CPEB3: variants seen among roughly 807,000 people sequenced by gnomAD.
CPEB3 encodes the protein cytoplasmic polyadenylation element binding protein 3.
A neutral mutation model predicts 67.2 loss-of-function variants in CPEB3; 20 were observed. The observed-to-expected ratio is 0.30, with a 90% CI of 0.21 to 0.43. CPEB3 has a LOEUF of 0.43. CPEB3 is among the 20% of genes least tolerant of loss of function. The pLI is 1.00. For missense variants in CPEB3, 746 were observed against 968.6 expected (o/e 0.77, Z 3.05); for synonymous variants, 376 against 393.1 (o/e 0.96, Z 0.51).
intron 2 of CPEB3, among the ~76,000 whole-genome samples, chr10:92,215,450 CT>C (rs986114627): frequency 9.3e-4 from 129 of 138,148 alleles, no homozygotes; most frequent in Admixed American, 8.8e-4. Context: ...CTGCACCTGG[CT>C]TTTTTTTTTT....
intron 6 of CPEB3, among the ~76,000 whole-genome samples, chr10:92,131,264 C>T: frequency 6.6e-6 from 1 of 152,146 alleles, no homozygotes; most frequent in Non-Finnish European, 1.5e-5. Context: ...AAAATGAGGG[C>T]ACCAGCACTA....
At chr10:92,162,491 A>G (rs1847535920) in intron 4 of CPEB3, among the ~76,000 whole-genome samples, 1 of 152,222 alleles carries the variant, frequency 6.6e-6, no homozygotes, top group South Asian at 2.1e-4. Flanking sequence ...TTATAAAAAT[A>G]GTGCAGAAAA....
intron 6 of CPEB3, among the ~76,000 whole-genome samples, chr10:92,115,961 C>T (rs2133548705): frequency 6.6e-6 from 1 of 152,086 alleles, no homozygotes; most frequent in South Asian, 2.1e-4. Flanking sequence ...GAGCCATTTT[C>T]TCGTCACGAT....
intron 4 of CPEB3, among the ~76,000 whole-genome samples, chr10:92,156,249 T>C (rs1395634706): frequency 1.3e-5 from 2 of 152,106 alleles, no homozygotes; most frequent in Admixed American, 6.5e-5. Flanking sequence ...CTTAGATACA[T>C]AGATGAGAGG....
intron 7 of CPEB3, among the ~76,000 whole-genome samples, chr10:92,098,449 CA>C (rs1214751270): frequency 6.6e-6 from 1 of 152,038 alleles, no homozygotes; most frequent in Admixed American, 6.5e-5. Flanking sequence ...GCTGGGATTA[CA>C]AGGCATGCAC....
At chr10:92,168,054 T>C (rs1426658214) in intron 4 of CPEB3, among the ~76,000 whole-genome samples, 1 of 152,234 alleles carries the variant, frequency 6.6e-6, no homozygotes, top group Non-Finnish European at 1.5e-5. Context: ...CATATGCTGT[T>C]AGAAAAACAG....
chr10:92,179,884 A>G (rs1187822217), intron 4 of CPEB3, among the ~76,000 whole-genome samples: 1 of 141,768 alleles, frequency 7.1e-6, no homozygotes, highest in Non-Finnish European at 1.5e-5. Flanking sequence ...CAACATACCT[A>G]CTCAAGCAAG....
intron 3 of CPEB3, among the ~76,000 whole-genome samples, chr10:92,187,098 A>C (rs1848729039): frequency 6.6e-6 from 1 of 152,218 alleles, no homozygotes; most frequent in African/African-American, 2.4e-5. Context: ...ATTCCGTAAG[A>C]GGGGACAAAT....
intron 2 of CPEB3, chr10:92,216,796 A>C (rs569023624): frequency 6.2e-7 from 1 of 1,609,112 alleles, no homozygotes; most frequent in Non-Finnish European, 8.5e-7. Context: ...CCCTATGAGG[A>C]GCTCCGGTAG....
chr10:92,071,989 C>T (rs1432832741), intron 9 of CPEB3, among the ~76,000 whole-genome samples: 1 of 152,132 alleles, frequency 6.6e-6, no homozygotes, highest in Middle Eastern at 3.2e-3. Flanking sequence ...ATCTTTGGCT[C>T]TTATTGTGTT....
intron 8 of CPEB3, among the ~76,000 whole-genome samples, chr10:92,089,535 C>T (rs1408742363): frequency 6.6e-6 from 1 of 152,026 alleles, no homozygotes; most frequent in Non-Finnish European, 1.5e-5. Context: ...ACCTGTAATC[C>T]CAGCACTTTG....
intron 7 of CPEB3, among the ~76,000 whole-genome samples, chr10:92,097,480 AC>A (rs775403738): frequency 1.3e-5 from 2 of 152,206 alleles, no homozygotes; most frequent in Non-Finnish European, 2.9e-5. Context: ...CCTGAGGACT[AC>A]TTTTGGCTGA....
chr10:92,193,841 G>C (rs893429690), intron 2 of CPEB3, among the ~76,000 whole-genome samples: 2 of 149,900 alleles, frequency 1.3e-5, no homozygotes, highest in African/African-American at 4.9e-5. Flanking sequence ...CTGTTGCCCA[G>C]GCTGGAGTGC....
chr10:92,115,082 G>A (rs968628546), intron 6 of CPEB3, among the ~76,000 whole-genome samples: 4 of 152,226 alleles, frequency 2.6e-5, no homozygotes, highest in African/African-American at 4.8e-5. Flanking sequence ...CGCTGCCAGT[G>A]TGGAAAGAGC....
chr10:92,184,792 T>C (rs1017101789), intron 3 of CPEB3, among the ~76,000 whole-genome samples: 3 of 152,200 alleles, frequency 2.0e-5, no homozygotes, highest in African/African-American at 7.2e-5. Context: ...AAATGCAATA[T>C]ATTTTCATTG....
At chr10:92,059,043 T>C (rs1443669534) in intron 9 of CPEB3, among the ~76,000 whole-genome samples, 1 of 152,076 alleles carries the variant, frequency 6.6e-6, no homozygotes, top group Non-Finnish European at 1.5e-5. Context: ...TACAAATACA[T>C]GAGTGGGGCA....
chr10:92,194,817 G>A (rs1360829147), intron 2 of CPEB3, among the ~76,000 whole-genome samples: 3 of 151,902 alleles, frequency 2.0e-5, no homozygotes, highest in Admixed American at 6.6e-5. Context: ...TGAGGCGGGC[G>A]GATCACGAGG....
At chr10:92,121,304 G>A (rs529663271) in intron 6 of CPEB3, among the ~76,000 whole-genome samples, 56 of 149,556 alleles carry the variant, frequency 3.7e-4, no homozygotes, top group Admixed American at 1.3e-3. Flanking sequence ...CACCACGCCC[G>A]GTCTACAACT....
At chr10:92,273,383 A>C (rs767499576) in intron 1 of CPEB3, among the ~76,000 whole-genome samples, 7 of 152,134 alleles carry the variant, frequency 4.6e-5, no homozygotes, top group Non-Finnish European at 7.3e-5. Flanking sequence ...AGCTCAATAA[A>C]TGATGCTGAA....
Sources: allele counts gnomAD v4.1 joint callset (sites outside exome capture counted in the v4.1 genomes callset), GRCh38; gene constraint gnomAD v4.1.1; transcripts MANE v1.5; gene names NCBI Gene and HGNC (gene_info 2026-07-23, HGNC 2026-07-21).